Variants in PLPPR1 observed in about 807,000 individuals in gnomAD.
PLPPR1 encodes phospholipid phosphatase related 1.
In PLPPR1, 10 loss-of-function variants were observed where a neutral mutation model predicts 33.1. The ratio of observed to expected loss-of-function variants is 0.30; its 90% CI spans 0.19 to 0.51. PLPPR1 has a LOEUF of 0.51. PLPPR1 is among the 20% of genes least tolerant of loss of function. The probability of loss-of-function intolerance (pLI) is 0.97; values close to 1 mark genes in which losing one functional copy is unlikely to be tolerated. For synonymous variants in PLPPR1, 151 were observed against 151.0 expected, an observed-to-expected ratio of 1.00 and a Z score of 0.00; for missense variants, 304 against 408.1, an observed-to-expected ratio of 0.74 and a Z score of 2.20.
chr9:101,237,626 T>C (rs955881567), intron 2 of PLPPR1, among the ~76,000 whole-genome samples: 16 of 135,782 alleles, frequency 1.2e-4, no homozygotes, highest in Non-Finnish European at 2.2e-4. Flanking sequence ...TATTCCATTG[T>C]GTGCATATAT....
intron 1 of PLPPR1, among the ~76,000 whole-genome samples, chr9:101,128,167 T>C (rs185351225): frequency 1.3e-5 from 2 of 152,234 alleles, no homozygotes; most frequent in Admixed American, 6.5e-5. Flanking sequence ...TAGAGATATA[T>C]TTAAGGAAAA....
chr9:101,305,645 T>C (rs1828845774), intron 4 of PLPPR1, among the ~76,000 whole-genome samples: 1 of 152,186 alleles, frequency 6.6e-6, no homozygotes, highest in African/African-American at 2.4e-5. Flanking sequence ...CTGAGCAGTC[T>C]GGTTCTGTAC....
At chr9:101,257,898 ACAT>A (rs1017328524) in intron 2 of PLPPR1, among the ~76,000 whole-genome samples, 4 of 152,140 alleles carry the variant, frequency 2.6e-5, no homozygotes, top group African/African-American at 9.7e-5. Flanking sequence ...TGGACTTACA[ACAT>A]CATACATTAG....
At chr9:101,242,188 G>T (rs1234177661) in intron 2 of PLPPR1, among the ~76,000 whole-genome samples, 1 of 151,798 alleles carries the variant, frequency 6.6e-6, no homozygotes, top group Non-Finnish European at 1.5e-5. Context: ...ACTTTGGAGT[G>T]TGGGTACTTC....
intron 4 of PLPPR1, among the ~76,000 whole-genome samples, chr9:101,292,844 A>C (rs1205270799): frequency 6.6e-6 from 1 of 152,020 alleles, no homozygotes; most frequent in African/African-American, 2.4e-5. Context: ...CAGCCACTGC[A>C]AAATCATGCC....
chr9:101,193,056 CTCTGTTCTTCAGAATTGA>C (rs1198558230), intron 2 of PLPPR1, among the ~76,000 whole-genome samples: 4 of 152,054 alleles, frequency 2.6e-5, no homozygotes, highest in Non-Finnish European at 5.9e-5. Flanking sequence ...GTGAGGGTTC[CTCTGTTCTTCAGAATTGA>C]GGCTCTACAA....
chr9:101,167,141 G>GTGT (rs1825869572), intron 1 of PLPPR1, among the ~76,000 whole-genome samples: 1 of 39,744 alleles, frequency 2.5e-5, no homozygotes, highest in African/African-American at 8.2e-5. Context: ...TATGTCTCTC[G>GTGT]GTGTGTGTGT....
At chr9:101,275,234 A>G (rs1828168597) in intron 3 of PLPPR1, among the ~76,000 whole-genome samples, 1 of 152,228 alleles carries the variant, frequency 6.6e-6, no homozygotes, top group Admixed American at 6.5e-5. Context: ...TCCCTCAAGC[A>G]CATTGACCAT....
At chr9:101,268,645 T>C (rs1223711990) in intron 2 of PLPPR1, among the ~76,000 whole-genome samples, 1 of 152,212 alleles carries the variant, frequency 6.6e-6, no homozygotes, top group East Asian at 1.9e-4. Flanking sequence ...CTTGGATTAG[T>C]CATTCTGGGG....
At position 101,050,651 on chromosome 9, in the gene PLPPR1, T is replaced by C. The variant is rs141405773; in HGVS notation, c.-46+21549T>C. ...CACCCAGAAGAGGGAGGAGGGATGA[T>C]GAAATTACACAGTGGATTTTGTCTT... On this transcript the variant is annotated intron_variant, in intron 1 of 7. Transcript: ENST00000374874. Among the ~76,000 whole-genome samples the C allele has an allele frequency of 2.5e-4, 38 of 152,278 alleles. No individual in the cohort carries two copies. In the South Asian group the frequency reaches 2.9e-3, roughly 12 times the overall value.
chr9:101,164,299 T>C (rs1036128258), intron 1 of PLPPR1, among the ~76,000 whole-genome samples: 2 of 152,168 alleles, frequency 1.3e-5, no homozygotes, highest in African/African-American at 4.8e-5. Context: ...TGGATCTATT[T>C]CATAGAGTTG....
intron 1 of PLPPR1, among the ~76,000 whole-genome samples, chr9:101,140,752 A>T (rs1298015299): frequency 1.3e-5 from 2 of 152,162 alleles, no homozygotes; most frequent in African/African-American, 2.4e-5. Flanking sequence ...AGTTGTGGGG[A>T]GGATGATTTT....
At chr9:101,204,836 C>G (rs1392821285) in intron 2 of PLPPR1, among the ~76,000 whole-genome samples, 2 of 151,846 alleles carry the variant, frequency 1.3e-5, no homozygotes, top group Non-Finnish European at 2.9e-5. Flanking sequence ...TAGTCTACCA[C>G]AAATTAAAGT....
intron 2 of PLPPR1, among the ~76,000 whole-genome samples, chr9:101,258,192 C>T (rs1297526925): frequency 1.3e-5 from 2 of 152,152 alleles, no homozygotes; most frequent in Non-Finnish European, 2.9e-5. Flanking sequence ...TACACCATGA[C>T]AGCCAGCTCA....
intron 1 of PLPPR1, among the ~76,000 whole-genome samples, chr9:101,116,807 CAAAA>C (rs35906894): frequency 1.7e-5 from 2 of 118,368 alleles, no homozygotes. Context: ...GACTCCATCT[CAAAA>C]AAAAAAAAAA....
At chr9:101,062,406 G>A (rs567900) in intron 1 of PLPPR1, among the ~76,000 whole-genome samples, 103,976 of 151,864 alleles carry the variant, frequency 0.68, 35,963 homozygotes, top group East Asian at 0.88. Context: ...CCCTCATTAG[G>A]CTACATACAG....
chr9:101,138,501 C>T (rs1258887834), intron 1 of PLPPR1, among the ~76,000 whole-genome samples: 7 of 152,150 alleles, frequency 4.6e-5, no homozygotes, highest in African/African-American at 1.2e-4. Context: ...ATTTATTTCT[C>T]ATCACAGAGA....
rs201820889 is a variant in PLPPR1, at chr9:101,227,278, A to AG, written c.63+41721_63+41722insG. The stretch of plus-strand genomic sequence containing the variant: ...TCACTTTAAAAAATAAAAAAATGTA[A>AG]AAGTGTTCCTTTTTCTCTGCAACTT... On this transcript the variant is annotated intron_variant, in intron 2 of 7. Coordinates refer to ENST00000374874, the MANE Select transcript of PLPPR1 (RefSeq NM_207299.2). 3.5e-3 allele frequency among the ~76,000 whole-genome samples: 539 copies of AG among 151,970 alleles called. 5 individuals are homozygous for AG. The highest frequency in any genetic ancestry group is 0.013 in the African/African-American group (523 of 41,276).
In PLPPR1 at chr9:101,237,642, T is replaced by TAC. The variant is rs144819109; in HGVS notation, c.64-32222_64-32221dup. Among the ~76,000 whole-genome samples the TAC allele has an allele frequency of 7.8e-3, 1,088 of 139,874 alleles. 10 individuals carry two copies. The highest frequency in any genetic ancestry group is 0.021 in the African/African-American group (813 of 37,994). The allele number at this position is 139,874 out of a possible 152,430, so 91.8% of individuals were successfully genotyped here. A position where few individuals can be genotyped will look rare whatever the true frequency, so the allele number is the denominator to read the frequency against. On this transcript the variant is annotated intron_variant, in intron 2 of 7. Coordinates refer to ENST00000374874, the MANE Select transcript of PLPPR1 (RefSeq NM_207299.2). ...ATTCCATTGTGTGCATATATATATA[T>TAC]ACACACACACACACACAAAATTCCA...
Sources: allele counts gnomAD v4.1 joint callset (sites outside exome capture counted in the v4.1 genomes callset), GRCh38; gene constraint gnomAD v4.1.1; transcripts MANE v1.5; gene names NCBI Gene and HGNC (gene_info 2026-07-23, HGNC 2026-07-21).